Variants in DPP10 observed in about 807,000 individuals in gnomAD.
The protein encoded by DPP10 is inactive dipeptidyl peptidase 10.
DPP10 carries 33 observed loss-of-function variants against 120.9 expected under a neutral mutation model. That is an observed-to-expected ratio of 0.27 (90% CI 0.21 to 0.37). The LOEUF is 0.37. Among genes scored for constraint, DPP10 ranks in the 10% least tolerant of loss-of-function variants. The probability of loss-of-function intolerance (pLI) is 1.00; values close to 1 mark genes in which losing one functional copy is unlikely to be tolerated. For missense variants in DPP10, 816 were observed against 942.8 expected, an observed-to-expected ratio of 0.87 and a Z score of 1.76; for synonymous variants, 337 against 326.1, an observed-to-expected ratio of 1.03 and a Z score of -0.36.
chr2:114,925,043 C>G (rs1695506962), intron 1 of DPP10, among the ~76,000 whole-genome samples: 1 of 151,976 alleles, frequency 6.6e-6, no homozygotes, highest in Admixed American at 6.6e-5. Flanking sequence ...AACCCCGTCT[C>G]TACTAAAAAT....
At position 114,797,390 on chromosome 2, in the gene DPP10, C is replaced by A. The variant is rs138105489; in HGVS notation, c.60+354552C>A. ...CTAAACATGAGTTCTACCGTTTACT[C>A]CCTGGGTGATCTTGGGCAAGGTGCT... On this transcript the variant is annotated intron_variant, in intron 1 of 25. Coordinates refer to ENST00000410059, the MANE Select transcript of DPP10 (RefSeq NM_020868.6). 4.6e-5 allele frequency among the ~76,000 whole-genome samples: 7 copies of A among 152,246 alleles called. No homozygotes were observed. The East Asian group carries it at 1.4e-3, about 29-fold the overall frequency.
chr2:115,265,169 A>G (rs1410156040), intron 1 of DPP10, among the ~76,000 whole-genome samples: 2 of 151,978 alleles, frequency 1.3e-5, no homozygotes, highest in African/African-American at 4.8e-5. Flanking sequence ...ACCATGAATA[A>G]AATTTGATCT....
At chr2:115,715,025 T>C (rs1370769264) in intron 7 of DPP10, among the ~76,000 whole-genome samples, 3 of 91,352 alleles carry the variant, frequency 3.3e-5, no homozygotes, top group African/African-American at 4.3e-5. Context: ...CAAGACTCTG[T>C]CTCAAAAAAA....
chr2:115,540,248 A>G (rs950605236), intron 5 of DPP10, among the ~76,000 whole-genome samples: 4 of 151,972 alleles, frequency 2.6e-5, no homozygotes, highest in Non-Finnish European at 4.4e-5. Context: ...GAAGTATTGC[A>G]TTATGATGCT....
intron 1 of DPP10, among the ~76,000 whole-genome samples, chr2:114,504,441 A>G (rs573561013): frequency 1.3e-5 from 2 of 152,230 alleles, no homozygotes; most frequent in East Asian, 3.9e-4. Flanking sequence ...CCTTATCATG[A>G]AAAGTACTCC....
intron 3 of DPP10, among the ~76,000 whole-genome samples, chr2:115,419,571 A>G (rs2069748207): frequency 6.6e-6 from 1 of 152,154 alleles, no homozygotes; most frequent in Non-Finnish European, 1.5e-5. Flanking sequence ...CCCCACCTCC[A>G]ACACTGGGGA....
chr2:115,178,851 C>T lies in DPP10; in HGVS notation c.61-130388C>T, dbSNP rs185158802. Among the ~76,000 whole-genome samples the T allele has an allele frequency of 2.2e-4, 33 of 152,222 alleles. 1 individual carries two copies. The highest frequency in any genetic ancestry group is 4.0e-4 in the Non-Finnish European group (27 of 68,008). Reference sequence around the variant, plus strand: ...AACCATTGTAAATCAAAAATATCATCGGGTCAAAAATGCATCATAAATTGA... The same window carrying T: ...AACCATTGTAAATCAAAAATATCATTGGGTCAAAAATGCATCATAAATTGA... On this transcript the variant is annotated intron_variant, in intron 1 of 25. Transcript: ENST00000410059.
At chr2:115,566,818 C>G (rs2081036375) in intron 5 of DPP10, among the ~76,000 whole-genome samples, 1 of 152,154 alleles carries the variant, frequency 6.6e-6, no homozygotes, top group Non-Finnish European at 1.5e-5. Flanking sequence ...CAGTATCTGT[C>G]TCTAGCTCTT....
At chr2:114,501,451 T>G (rs1224314186) in intron 1 of DPP10, among the ~76,000 whole-genome samples, 3 of 152,296 alleles carry the variant, frequency 2.0e-5, no homozygotes, top group African/African-American at 7.2e-5. Flanking sequence ...CCTCATAATA[T>G]AGACATCTGC....
chr2:115,718,896 A>C (rs2092573250), intron 7 of DPP10, among the ~76,000 whole-genome samples: 1 of 152,174 alleles, frequency 6.6e-6, no homozygotes, highest in African/African-American at 2.4e-5. Flanking sequence ...CAATGACTAG[A>C]TAAAACCATC....
intron 5 of DPP10, among the ~76,000 whole-genome samples, chr2:115,578,630 C>T (rs2081829269): frequency 6.6e-6 from 1 of 152,104 alleles, no homozygotes; most frequent in Admixed American, 6.5e-5. Flanking sequence ...TAAAACAAGT[C>T]AAGGAAATTT....
intron 5 of DPP10, among the ~76,000 whole-genome samples, chr2:115,590,457 G>A (rs2082582778): frequency 6.6e-6 from 1 of 152,046 alleles, no homozygotes; most frequent in African/African-American, 2.4e-5. Flanking sequence ...TGAGAATGAT[G>A]GTTTCCAGCT....
At chr2:114,907,390 C>T (rs1305612042) in intron 1 of DPP10, among the ~76,000 whole-genome samples, 1 of 151,784 alleles carries the variant, frequency 6.6e-6, no homozygotes, top group Non-Finnish European at 1.5e-5. Flanking sequence ...AGAAAAATAA[C>T]GCTATTTAGT....
intron 1 of DPP10, among the ~76,000 whole-genome samples, chr2:114,989,208 T>C (rs1436409893): frequency 6.6e-6 from 1 of 152,182 alleles, no homozygotes; most frequent in African/African-American, 2.4e-5. Flanking sequence ...CTATTGTTGT[T>C]TGAGTGGTTA....
At chr2:114,998,467 C>G (rs1463133059) in intron 1 of DPP10, among the ~76,000 whole-genome samples, 2 of 152,080 alleles carry the variant, frequency 1.3e-5, no homozygotes, top group African/African-American at 2.4e-5. Context: ...AGGAGCTGAT[C>G]AAAAGGGAAT....
intron 1 of DPP10, among the ~76,000 whole-genome samples, chr2:114,546,882 G>A (rs186041950): frequency 8.5e-5 from 13 of 152,270 alleles, no homozygotes; most frequent in African/African-American, 3.1e-4. Context: ...TGGGCCATAG[G>A]CCTGGGAAAT....
intron 5 of DPP10, among the ~76,000 whole-genome samples, chr2:115,532,890 A>G (rs958731624): frequency 2.6e-5 from 4 of 151,974 alleles, no homozygotes; most frequent in Non-Finnish European, 5.9e-5. Flanking sequence ...ATGTAATTTT[A>G]TATATTATCC....
intron 1 of DPP10, among the ~76,000 whole-genome samples, chr2:115,209,358 T>C (rs934620855): frequency 3.3e-5 from 5 of 152,172 alleles, no homozygotes; most frequent in African/African-American, 1.2e-4. Flanking sequence ...TAGTTGTTTT[T>C]ATTGGTCATA....
intron 1 of DPP10, among the ~76,000 whole-genome samples, chr2:115,228,669 A>C (rs180803071): frequency 4.0e-4 from 61 of 152,098 alleles, no homozygotes; most frequent in East Asian, 7.7e-4. Context: ...TAACATAATG[A>C]CCTCCTGTTC....
Sources: allele counts gnomAD v4.1 joint callset (sites outside exome capture counted in the v4.1 genomes callset), GRCh38; gene constraint gnomAD v4.1.1; transcripts MANE v1.5; gene names NCBI Gene and HGNC (gene_info 2026-07-23, HGNC 2026-07-21).